VIL1: variants seen among roughly 807,000 people sequenced by gnomAD.
VIL1 encodes the protein villin-1.
A neutral mutation model predicts 104.0 loss-of-function variants in VIL1; 86 were observed. That is an observed-to-expected ratio of 0.83 (90% confidence interval 0.69 to 0.99). The LOEUF (loss-of-function observed/expected upper bound fraction) is 0.99. VIL1 is among the 50% of genes least tolerant of loss of function. The pLI, the probability that VIL1 is intolerant of heterozygous loss-of-function variation, is 0.00. For synonymous variants in VIL1, 394 were observed against 412.6 expected (o/e 0.95, Z 0.55); for missense variants, 944 against 1,054.1 (o/e 0.90, Z 1.45).
rs569510285 is a variant in VIL1 at position 218,441,374 on chromosome 2, G to A, written c.2370+512G>A. ...ACTGCACTCCACCCTGGGTGACAGA[G>A]TGAGACTGTCTCAAAAAAAGAAAAA... On this transcript the variant is annotated intron_variant, in intron 19 of 19. Transcript: ENST00000248444. 1.1e-3 allele frequency among the ~76,000 whole-genome samples: 163 copies of A among 151,296 alleles called. 1 individual carries two copies. The highest frequency in any genetic ancestry group is 2.0e-3 in the Non-Finnish European group (135 of 67,872).
chr2:218,423,483 G>C (rs1239205653), intron 1 of VIL1, among the ~76,000 whole-genome samples: 1 of 152,102 alleles, frequency 6.6e-6, no homozygotes, highest in Non-Finnish European at 1.5e-5. Flanking sequence ...AGTTTAGCGG[G>C]CAGAGAGTAG....
At position 218,451,864 on chromosome 2, in the gene VIL1, C is replaced by G. The variant is rs79871636; in HGVS notation, c.*2528C>G. On this transcript the variant is annotated 3_prime_UTR_variant, in exon 20 of 20. Transcript: ENST00000248444. ...TAGGCCCAGAATGAACAGACCATAGCAAGTAAACAAATAATTTTTAGAATC... is the reference window on the plus strand; with the variant it reads ...TAGGCCCAGAATGAACAGACCATAGGAAGTAAACAAATAATTTTTAGAATC... 134 of 152,690 alleles carry G rather than the reference C, an allele frequency of 8.8e-4. 4 individuals are homozygous for G. In the East Asian group the frequency reaches 0.024, roughly 27 times the overall value. 9.5% of individuals were successfully genotyped at this position (152,690 alleles called of 1,614,324 possible). A position where few individuals can be genotyped will look rare whatever the true frequency, so the allele number is the denominator to read the frequency against.
rs1688872213 is a variant in VIL1, at chr2:218,420,019, C to T, written c.-12+851C>T. 1.3e-5 allele frequency among the ~76,000 whole-genome samples: 2 copies of T among 152,282 alleles called. 1 individual carries two copies. Among genetic ancestry groups the T allele is most frequent in the South Asian group, 4.1e-4 (2 of 4,826 alleles). ...TTTGTCTGAGGGGTGGGACTTCACC[C>T]CCACTGCCCCACCACATTCCTGTCC... On this transcript the variant is annotated intron_variant, in intron 1 of 19. Coordinates refer to ENST00000248444, the MANE Select transcript of VIL1 (RefSeq NM_007127.3).
chr2:218,449,303 A>G lies in VIL1; in HGVS notation c.2451A>G (p.Gln817=). Reference sequence around the variant, plus strand: ...TCTCTGCTCTGCCTCGATGGAAGCAACAAAACCTCAAGAAAGAAAAAGGAC... The same window carrying G: ...TCTCTGCTCTGCCTCGATGGAAGCAGCAAAACCTCAAGAAAGAAAAAGGAC... ...AAFSALPRWK[Q]QNLKKEKGLF The change falls in exon 20 of 20, where the codon CAA becomes CAG. Residue 817 remains glutamine, a synonymous_variant. Transcript: ENST00000248444. The G allele has an allele frequency of 6.2e-7, 1 of 1,613,974 alleles. No individual in the cohort carries two copies. The highest frequency in any genetic ancestry group is 8.5e-7 in the Non-Finnish European group (1 of 1,179,888).
At chr2:218,425,841 A>G (rs1239570291) in intron 4 of VIL1, 30 bp downstream of exon 4, 8 of 1,580,296 alleles carry the variant, frequency 5.1e-6, no homozygotes, top group South Asian at 1.2e-5. Flanking sequence ...GGCCGGGGGA[A>G]TGAGGATGAG....
At chr2:218,446,430 T>TC (rs1689364574) in intron 19 of VIL1, among the ~76,000 whole-genome samples, 1 of 152,152 alleles carries the variant, frequency 6.6e-6, no homozygotes, top group East Asian at 1.9e-4. Flanking sequence ...AGATGGGGTT[T>TC]CACCATGTTG....
At chr2:218,423,674 G>A (rs930340797) in intron 1 of VIL1, 94 bp from the exon 2 acceptor site, 16 of 1,280,474 alleles carry the variant, frequency 1.2e-5, no homozygotes, top group South Asian at 3.8e-5. Context: ...CTGAGCCTGC[G>A]ACCTCCTGGC....
Position 218,452,193 on chromosome 2 carries a change from G to A in VIL1, c.*2857G>A, listed in dbSNP as rs918975485. ...AATTGCCATCAAGTTCCAATTCAAT[G>A]TCATTTAAAGTAATGTAACCACACA... On this transcript the variant is annotated 3_prime_UTR_variant, in exon 20 of 20. Transcript: ENST00000248444. The A allele has an allele frequency of 6.6e-6, 1 of 152,078 alleles. No homozygotes were observed. Among genetic ancestry groups the A allele is most frequent in the African/African-American group, 2.4e-5 (1 of 41,400 alleles). 9.4% of individuals were successfully genotyped at this position (152,078 alleles called of 1,614,324 possible).
chr2:218,425,529 G>A (rs1455144329), intron 3 of VIL1, 86 bp from the exon 4 acceptor site: 1 of 1,429,216 alleles, frequency 7.0e-7, no homozygotes, highest in African/African-American at 1.4e-5. Context: ...CCATAGTCCT[G>A]GACGGCACGT....
rs750376453 is a variant in VIL1 at position 218,425,619 on chromosome 2, A to G, written c.155A>G (p.His52Arg). The G allele has an allele frequency of 6.2e-7, 1 of 1,614,112 alleles. No homozygotes were observed. Among genetic ancestry groups the G allele is most frequent in the East Asian group, 2.2e-5 (1 of 44,882 alleles). Residue 52 changes from histidine to arginine, a missense_variant, in exon 4 of 20, where the codon CAC becomes CGC. His to Arg is a conservative substitution (Grantham distance 29). Transcript: ENST00000248444. Reference sequence around the variant, plus strand: ...CACTGGACACCTTTTCCCTAGATCCACAAGACAGCCAGCAGCCTGTCCTAT... The same window carrying G: ...CACTGGACACCTTTTCCCTAGATCCGCAAGACAGCCAGCAGCCTGTCCTAT... The part of the protein sequence containing the change: ...DGDCYIILAI[H>R]KTASSLSYDI...
In VIL1 at chr2:218,428,279, T is replaced by C; in HGVS notation, c.509T>C (p.Leu170Pro). Residue 170 changes from leucine (L) to proline (P), a missense_variant, in exon 6 of 20, where the codon CTT becomes CCT. By Grantham distance (98) the Leu-to-Pro change is moderately conservative. Coordinates refer to ENST00000248444, the MANE Select transcript of VIL1 (RefSeq NM_007127.3). ...CGAGGGGATGTTTTCCTCCTGGACC[T>C]TGGGAAGCTTATCATCCAGTGGAAT... ...FNRGDVFLLD[L>P]GKLIIQWNGP... The C allele has an allele frequency of 6.2e-7, 1 of 1,614,168 alleles. No individual in the cohort carries two copies. The highest frequency in any genetic ancestry group is 8.5e-7 in the Non-Finnish European group (1 of 1,180,026).
Position 218,439,720 on chromosome 2 carries a change from G to A in VIL1, c.2229+994G>A, listed in dbSNP as rs143429253. ...TGGTCCCAGCTACTCAGGAGGCTGAGGTGGGAGGTTGGTTTGAACCCAGGA... is the reference window on the plus strand; with the variant it reads ...TGGTCCCAGCTACTCAGGAGGCTGAAGTGGGAGGTTGGTTTGAACCCAGGA... On this transcript the variant is annotated intron_variant, in intron 18 of 19. Coordinates refer to ENST00000248444, the MANE Select transcript of VIL1 (RefSeq NM_007127.3). Among the ~76,000 whole-genome samples, 201 of 151,778 alleles carry A rather than the reference G, an allele frequency of 1.3e-3. 2 individuals carry two copies. Among genetic ancestry groups the A allele is most frequent in the African/African-American group, 4.6e-3 (189 of 41,358 alleles).
intron 9 of VIL1, 111 bp from the exon 10 acceptor site, chr2:218,430,614 C>T: frequency 7.2e-7 from 1 of 1,391,052 alleles, no homozygotes; most frequent in Non-Finnish European, 9.7e-7. Context: ...AGTTTTGGTG[C>T]CGGGGTAGAT....
intron 6 of VIL1, 66 bp downstream of exon 6, chr2:218,428,403 C>A: frequency 7.2e-7 from 1 of 1,394,922 alleles, no homozygotes; most frequent in Non-Finnish European, 1.0e-6. Flanking sequence ...CTCCTTTCCC[C>A]AGGCCTCTCC....
At chr2:218,434,777 T>TA in intron 14 of VIL1, 72 bp downstream of exon 14, 1 of 1,514,550 alleles carries the variant, frequency 6.6e-7, no homozygotes, top group Non-Finnish European at 8.9e-7. Flanking sequence ...GCAGCAGCCC[T>TA]AGGTCAGGGC....
chr2:218,424,931 A>T lies in VIL1; in HGVS notation c.150+580A>T, dbSNP rs539855508. On this transcript the variant is annotated intron_variant, in intron 3 of 19. Coordinates refer to ENST00000248444, the MANE Select transcript of VIL1 (RefSeq NM_007127.3). Reference sequence around the variant, plus strand: ...CGCCTCAGCCTCCCAAAATGCTGGGATTACAGGCATGAGCCACCATGCCCA... The same window carrying T: ...CGCCTCAGCCTCCCAAAATGCTGGGTTTACAGGCATGAGCCACCATGCCCA... Among the ~76,000 whole-genome samples the T allele has an allele frequency of 5.3e-5, 8 of 152,232 alleles. No homozygotes were observed. The South Asian group carries it at 1.2e-3, about 24-fold the overall frequency.
intron 10 of VIL1, 41 bp from the exon 11 acceptor site, chr2:218,431,816 T>C (rs745355303): frequency 6.4e-7 from 1 of 1,563,934 alleles, no homozygotes; most frequent in Non-Finnish European, 8.7e-7. Context: ...CTGGGAGACC[T>C]CAGCTGGTGA....
chr2:218,422,032 T>C (rs985953164), intron 1 of VIL1, among the ~76,000 whole-genome samples: 1 of 152,026 alleles, frequency 6.6e-6, no homozygotes, highest in Non-Finnish European at 1.5e-5. Context: ...GGCGGGTGGA[T>C]CACCTGAGGT....
intron 4 of VIL1, 52 bp downstream of exon 4, chr2:218,425,863 G>C: frequency 6.5e-7 from 1 of 1,547,994 alleles, no homozygotes; most frequent in Non-Finnish European, 8.8e-7. Flanking sequence ...GGTAGGGATA[G>C]AGATGTTGGG....
Sources: gnomAD v4.1 joint callset for allele counts (sites outside exome capture counted in the v4.1 genomes callset) on GRCh38, gnomAD v4.1.1 for gene constraint, MANE v1.5 for transcripts, NCBI Gene and HGNC (gene_info 2026-07-23, HGNC 2026-07-21) for gene names.